USH2A: variants seen among roughly 807,000 people sequenced by gnomAD.
USH2A encodes the protein usherin, also known as Usher syndrome 2A (autosomal recessive, mild).
USH2A carries 443 observed loss-of-function variants against 538.9 expected under a neutral mutation model. That is an observed-to-expected ratio of 0.82 (90% confidence interval 0.76 to 0.89). The LOEUF (loss-of-function observed/expected upper bound fraction) is 0.89, where lower values mean the gene tolerates loss of function less well. Ranked by LOEUF, USH2A falls within the 40% of genes least tolerant of loss-of-function variation. The pLI is 0.00. For missense variants in USH2A, 6,633 were observed against 6,324.8 expected, an observed-to-expected ratio of 1.05 and a Z score of -1.65; for synonymous variants, 2,413 against 2,273.5, an observed-to-expected ratio of 1.06 and a Z score of -1.75.
At chr1:215,750,860 T>C (rs1215361008) in intron 58 of USH2A, among the ~76,000 whole-genome samples, 1 of 152,142 alleles carries the variant, frequency 6.6e-6, no homozygotes, top group Non-Finnish European at 1.5e-5. Context: ...ATTAAGTTAT[T>C]ATGAACACTA....
rs199868558 is a variant in USH2A, at chr1:215,758,751, A to G, written c.11233T>C (p.Tyr3745His). The change falls in exon 58 of 72, where the codon TAC (tyrosine) becomes CAC (histidine). Residue 3745 changes from tyrosine to histidine, a missense_variant and splice_region_variant. Coordinates refer to ENST00000307340, the MANE Select transcript of USH2A (RefSeq NM_206933.4). ...GTTTTGACTTCTAACTTGTAAGTGTATCTATATTTAAAAAGAAAGAAGAAT... is the reference window on the plus strand; with the variant it reads ...GTTTTGACTTCTAACTTGTAAGTGTGTCTATATTTAAAAAGAAAGAAGAAT... Reference protein sequence around the residue: ...TDKNLEPNSRYTYKLEVKTGG... With the variant: ...TDKNLEPNSRHTYKLEVKTGG... 7.4e-6 allele frequency: 12 copies of G among 1,613,684 alleles called. No individual in the cohort carries two copies. In the East Asian group the frequency reaches 2.5e-4, roughly 33 times the overall value.
rs1183682279 is a variant in USH2A, at chr1:216,147,439, A to G, written c.4627+27813T>C. Among the ~76,000 whole-genome samples the G allele has an allele frequency of 2.6e-5, 4 of 152,142 alleles. No homozygotes were observed. The East Asian group carries it at 5.8e-4, about 22-fold the overall frequency. On this transcript the variant is annotated intron_variant, in intron 21 of 71. Transcript: ENST00000307340. ...TTAATGCTCCTTTTTCTTTATCCCA[A>G]ATCAGATAGCGTTTAGGCTGTTTTT... is the stretch of plus-strand genomic sequence containing the variant.
intron 38 of USH2A, among the ~76,000 whole-genome samples, chr1:215,934,114 T>C (rs1666432022): frequency 6.6e-6 from 1 of 152,026 alleles, no homozygotes; most frequent in Non-Finnish European, 1.5e-5. Context: ...TTAAAGGTGT[T>C]TTCCAGTAGT....
chr1:215,640,410 C>T (rs912583080), intron 68 of USH2A, 148 bp downstream of exon 68: 71 of 1,003,868 alleles, frequency 7.1e-5, no homozygotes, highest in Admixed American at 7.0e-4. Context: ...CTTATTTATC[C>T]TGAGCAGTAA....
In USH2A at chr1:216,369,584, A is replaced by C. The variant is rs533226484; in HGVS notation, c.652-4499T>G. On this transcript the variant is annotated intron_variant, in intron 3 of 71. Coordinates refer to ENST00000307340, the MANE Select transcript of USH2A (RefSeq NM_206933.4). The stretch of plus-strand genomic sequence containing the variant: ...CTTCTCCAATAATCCTTTGCCACCT[A>C]CTTTGGCATTACAAAAGTAGTTAAC... 2.0e-5 allele frequency among the ~76,000 whole-genome samples: 3 copies of C among 152,228 alleles called. No individual in the cohort carries two copies. In the South Asian group the frequency reaches 6.2e-4, roughly 32 times the overall value.
In USH2A at chr1:215,876,744, C is replaced by G. The variant is rs1286308942; in HGVS notation, c.8681+1014G>C. On this transcript the variant is annotated intron_variant, in intron 43 of 71. Transcript: ENST00000307340. ...AGGAAAGGCCTCCTAGAGGAAGAAACCTCCAGGCTAAGACGTGGCAGATGA... is the reference window on the plus strand; with the variant it reads ...AGGAAAGGCCTCCTAGAGGAAGAAAGCTCCAGGCTAAGACGTGGCAGATGA... Among the ~76,000 whole-genome samples the G allele has an allele frequency of 2.6e-5, 4 of 152,214 alleles. No individual in the cohort carries two copies. In the East Asian group the frequency reaches 7.8e-4, roughly 30 times the overall value.
rs377683834 is a variant in USH2A, at chr1:216,176,608, T to C, written c.4397-1126A>G. On this transcript the variant is annotated intron_variant, in intron 20 of 71. Coordinates refer to ENST00000307340, the MANE Select transcript of USH2A (RefSeq NM_206933.4). ...TCCATTGGGGCTCACACGTGGTGTTTACCTTCTCTGGGTTTGGACAAATGT... is the reference window on the plus strand; with the variant it reads ...TCCATTGGGGCTCACACGTGGTGTTCACCTTCTCTGGGTTTGGACAAATGT... Among the ~76,000 whole-genome samples the C allele has an allele frequency of 1.1e-4, 16 of 152,266 alleles. 1 individual carries two copies. Among genetic ancestry groups the C allele is most frequent in the Admixed American group, 3.3e-4 (5 of 15,276 alleles).
intron 10 of USH2A, 82 bp downstream of exon 10, chr1:216,292,093 A>G: frequency 2.8e-6 from 4 of 1,440,874 alleles, no homozygotes; most frequent in Non-Finnish European, 3.9e-6. Context: ...TAAGATAGCA[A>G]TAACATAATT....
chr1:216,311,625 C>T (rs1459853012), intron 9 of USH2A, among the ~76,000 whole-genome samples: 4 of 152,044 alleles, frequency 2.6e-5, no homozygotes, highest in Non-Finnish European at 4.4e-5. Context: ...TCTGTGCCGC[C>T]ATTTTGGAAC....
chr1:216,380,166 G>A (rs1446570901), intron 3 of USH2A, among the ~76,000 whole-genome samples: 1 of 152,032 alleles, frequency 6.6e-6, no homozygotes, highest in Non-Finnish European at 1.5e-5. Context: ...CGCAAAAGAC[G>A]TTAGAAACAA....
intron 21 of USH2A, among the ~76,000 whole-genome samples, chr1:216,098,031 A>G (rs1223889037): frequency 7.2e-6 from 1 of 138,056 alleles, no homozygotes; most frequent in Non-Finnish European, 1.5e-5. Context: ...ACATGGCCCC[A>G]TCTCCAGTCC....
At chr1:215,858,620 C>A (rs771998599) in intron 44 of USH2A, among the ~76,000 whole-genome samples, 45 of 151,346 alleles carry the variant, frequency 3.0e-4, no homozygotes, top group Non-Finnish European at 4.1e-4. Context: ...TTGCATATTT[C>A]TTTATAGCAA....
chr1:216,419,524 G>A (rs1452289657), intron 2 of USH2A, among the ~76,000 whole-genome samples: 1 of 151,978 alleles, frequency 6.6e-6, no homozygotes, highest in Non-Finnish European at 1.5e-5. Flanking sequence ...GATTATGCTT[G>A]GTCCTGGCAC....
At chr1:215,786,429 G>T (rs1314749033) in intron 52 of USH2A, among the ~76,000 whole-genome samples, 1 of 152,158 alleles carries the variant, frequency 6.6e-6, no homozygotes, top group Non-Finnish European at 1.5e-5. Flanking sequence ...TATCTCCACA[G>T]ATTTACCTTA....
intron 21 of USH2A, among the ~76,000 whole-genome samples, chr1:216,118,537 C>T (rs925942670): frequency 6.6e-6 from 1 of 152,164 alleles, no homozygotes; most frequent in Non-Finnish European, 1.5e-5. Flanking sequence ...TAAATCCTTA[C>T]TCTATTCAAG....
chr1:216,113,137 T>TAAAA (rs71159901), intron 21 of USH2A, among the ~76,000 whole-genome samples: 62 of 127,448 alleles, frequency 4.9e-4, no homozygotes, highest in Non-Finnish European at 6.5e-4. Flanking sequence ...CTCCAAATGA[T>TAAAA]AAAAAAAAAA....
At chr1:215,786,905 G>T in intron 51 of USH2A, 31 bp from the exon 52 acceptor site, 1 of 1,608,562 alleles carries the variant, frequency 6.2e-7, no homozygotes, top group Non-Finnish European at 8.5e-7. Context: ...GAGAGAGAGA[G>T]GGGTATTTAA....
chr1:215,659,664 T>C (rs1571937552), intron 64 of USH2A, among the ~76,000 whole-genome samples: 1 of 152,164 alleles, frequency 6.6e-6, no homozygotes, highest in Non-Finnish European at 1.5e-5. Flanking sequence ...GTTTTTTTAA[T>C]CTCAATTTTA....
At chr1:215,722,770 G>A (rs895830965) in intron 61 of USH2A, among the ~76,000 whole-genome samples, 4 of 152,110 alleles carry the variant, frequency 2.6e-5, no homozygotes, top group African/African-American at 9.7e-5. Flanking sequence ...TTATCTTTTA[G>A]GATACTGGGC....
Sources: allele counts gnomAD v4.1 joint callset (sites outside exome capture counted in the v4.1 genomes callset), GRCh38; gene constraint gnomAD v4.1.1; transcripts MANE v1.5; gene names NCBI Gene and HGNC (gene_info 2026-07-23, HGNC 2026-07-21).